TET3: variants seen among roughly 807,000 people sequenced by gnomAD.
The protein encoded by TET3 is tet methylcytosine dioxygenase 3.
TET3 carries 19 observed loss-of-function variants against 141.4 expected under a neutral mutation model. That is an observed-to-expected ratio of 0.13 (90% CI 0.09 to 0.20). The LOEUF is 0.20. Ranked by LOEUF, TET3 falls within the 10% of genes least tolerant of loss-of-function variation. The probability of loss-of-function intolerance (pLI) is 1.00; values close to 1 mark genes in which losing one functional copy is unlikely to be tolerated. For synonymous variants in TET3, 1,043 were observed against 980.9 expected (o/e 1.06, Z -1.18); for missense variants, 1,874 against 2,356.9 (o/e 0.80, Z 4.24).
At chr2:74,064,241 G>A (rs1688757346) in intron 4 of TET3, among the ~76,000 whole-genome samples, 1 of 152,024 alleles carries the variant, frequency 6.6e-6, no homozygotes. Flanking sequence ...TTTGGTCATA[G>A]CTTTTCATAT....
intron 5 of TET3, among the ~76,000 whole-genome samples, chr2:74,079,662 T>C (rs1689697506): frequency 6.6e-6 from 1 of 152,206 alleles, no homozygotes; most frequent in South Asian, 2.1e-4. Context: ...ATCTCCATTT[T>C]ACAGATGAGA....
chr2:74,122,728 GT>G, the TET3 span, among the ~76,000 whole-genome samples: 4 of 71,076 alleles, frequency 5.6e-5, no homozygotes, highest in African/African-American at 1.1e-4. Flanking sequence ...CCCAGCTAAT[GT>G]TTTTATTTTT....
intron 5 of TET3, among the ~76,000 whole-genome samples, chr2:74,077,288 C>T (rs1212908552): frequency 6.6e-6 from 1 of 152,194 alleles, no homozygotes; most frequent in Non-Finnish European, 1.5e-5. Flanking sequence ...CTGGGCCCCA[C>T]CTGAGTTTCT....
At chr2:74,081,050 A>G (rs1181805932) in intron 6 of TET3, among the ~76,000 whole-genome samples, 1 of 152,064 alleles carries the variant, frequency 6.6e-6, no homozygotes, top group African/African-American at 2.4e-5. Flanking sequence ...CCAGAGACAA[A>G]CCTGAAGGCT....
At chr2:74,130,008 T>C in the TET3 span, among the ~76,000 whole-genome samples, 5 of 149,790 alleles carry the variant, frequency 3.3e-5, no homozygotes, top group South Asian at 1.1e-3. Flanking sequence ...GGCAGGAGAA[T>C]GGCTTGTACC....
At chr2:74,060,423 G>T (rs1364023656) in intron 4 of TET3, among the ~76,000 whole-genome samples, 3 of 152,150 alleles carry the variant, frequency 2.0e-5, no homozygotes, top group Non-Finnish European at 2.9e-5. Flanking sequence ...GTGTATTGCA[G>T]TTCTCAGAGT....
At chr2:73,984,778 G>A (rs1046363664), upstream of TET3, among the ~76,000 whole-genome samples, 2 of 148,728 alleles carry the variant, frequency 1.3e-5, no homozygotes, top group African/African-American at 4.9e-5. This position sits in a 1 kb window ranked among gnomAD's most constrained non-coding sequence, Gnocchi z 5.6. Flanking sequence ...CCTCCCCTCC[G>A]CGGGAACCAC....
intron 4 of TET3, among the ~76,000 whole-genome samples, chr2:74,050,830 T>A (rs990019039): frequency 7.9e-5 from 12 of 151,550 alleles, no homozygotes; most frequent in Non-Finnish European, 1.5e-5. Context: ...GGGATTATAG[T>A]CGTGAACCAC....
Position 74,046,481 on chromosome 2 carries a change from A to G in TET3, c.564A>G (p.Pro188=), listed in dbSNP as rs745345308. The change falls in exon 4 of 12, where the codon CCA becomes CCG. Residue 188 remains proline, a synonymous_variant. Coordinates refer to ENST00000409262, the MANE Select transcript of TET3 (RefSeq NM_001287491.2). The surrounding 1 kb of genome is among the most constrained non-coding windows in gnomAD (Gnocchi z 4.3). The part of the protein sequence containing the change: ...QKPDWEAAPG[P]AHTARLEDAH... ...CCGACTGGGAGGCTGCCCCAGGCCC[A>G]GCTCATACTGCTCGCCTGGAAGATG... 1 of 1,613,708 alleles carries G rather than the reference A, an allele frequency of 6.2e-7. No individual in the cohort carries two copies. Among genetic ancestry groups the G allele is most frequent in the Non-Finnish European group, 8.5e-7 (1 of 1,179,702 alleles).
upstream of TET3, among the ~76,000 whole-genome samples, chr2:73,984,527 T>G (rs1683895114): frequency 6.7e-6 from 1 of 149,652 alleles, no homozygotes. This position sits in a 1 kb window ranked among gnomAD's most constrained non-coding sequence, Gnocchi z 5.6. Flanking sequence ...CCGCAGGGAG[T>G]GGCAGGAAGT....
chr2:74,048,258 G>A lies in TET3; in HGVS notation c.2341G>A (p.Glu781Lys). Residue 781 changes from glutamate to lysine, a missense_variant, in exon 4 of 12, where the codon GAG becomes AAG. Coordinates refer to ENST00000409262, the MANE Select transcript of TET3 (RefSeq NM_001287491.2). The stretch of plus-strand genomic sequence containing the variant: ...CTTCCATTCAGAGGAGGGAGGACAG[G>A]AGGCCACACCCACCAAGGCTGAGAA... Reference protein sequence around the residue: ...TCFHSEEGGQEATPTKAENPL... With the variant: ...TCFHSEEGGQKATPTKAENPL... The A allele has an allele frequency of 6.2e-7, 1 of 1,613,838 alleles. No individual in the cohort carries two copies. The highest frequency in any genetic ancestry group is 2.2e-5 in the East Asian group (1 of 44,872).
the TET3 span, among the ~76,000 whole-genome samples, chr2:74,133,403 G>C: frequency 2.0e-5 from 3 of 152,242 alleles, no homozygotes; most frequent in East Asian, 5.8e-4. Flanking sequence ...TCAGCTGAGT[G>C]GCTGTGGCTC....
chr2:74,050,054 T>C (rs1441726502), intron 4 of TET3, among the ~76,000 whole-genome samples: 1 of 152,206 alleles, frequency 6.6e-6, no homozygotes, highest in Non-Finnish European at 1.5e-5. Context: ...CGCCTGTGTT[T>C]AGCACCTCGT....
the TET3 span, chr2:74,134,877 G>A: frequency 2.4e-6 from 1 of 420,046 alleles, no homozygotes; most frequent in Non-Finnish European, 4.9e-6. Flanking sequence ...GGCTGCAGCA[G>A]GAATGGATGT....
chr2:74,043,176 A>G (rs888429811), intron 3 of TET3, among the ~76,000 whole-genome samples: 2 of 152,234 alleles, frequency 1.3e-5, no homozygotes, highest in Non-Finnish European at 2.9e-5. Flanking sequence ...CTACATAAGC[A>G]TGTAAGATTT....
chr2:74,119,308 G>A, the TET3 span, among the ~76,000 whole-genome samples: 4 of 148,118 alleles, frequency 2.7e-5, no homozygotes, highest in Non-Finnish European at 4.4e-5. Flanking sequence ...AGCCGAGATC[G>A]CACCACTGCA....
chr2:74,122,290 C>G, the TET3 span: 1 of 151,632 alleles, frequency 6.6e-6, no homozygotes, highest in South Asian at 2.1e-4. Flanking sequence ...CTCACACAAT[C>G]AAGTGAACAG....
chr2:74,035,036 CA>C lies in TET3; in HGVS notation c.361-11226del, dbSNP rs70965777. Among the ~76,000 whole-genome samples, 1,061 of 114,270 alleles carry C rather than the reference CA, an allele frequency of 9.3e-3. 11 individuals are homozygous for C. The highest frequency in any genetic ancestry group is 0.024 in the African/African-American group (747 of 31,518). The allele number at this position is 114,270 out of a possible 152,430, so 75.0% of individuals were successfully genotyped here. A position where few individuals can be genotyped will look rare whatever the true frequency, so the allele number is the denominator to read the frequency against. On this transcript the variant is annotated intron_variant, in intron 3 of 11. Coordinates refer to ENST00000409262, the MANE Select transcript of TET3 (RefSeq NM_001287491.2). ...GAAACCCTGTCTCTACTAAAAAATA[CA>C]AAAAAAAAAAAAAAATCAGCCAGGT...
At chr2:74,028,220 G>A (rs1468244277) in intron 3 of TET3, among the ~76,000 whole-genome samples, 1 of 151,608 alleles carries the variant, frequency 6.6e-6, no homozygotes, top group Non-Finnish European at 1.5e-5. Context: ...CAGACTCCTG[G>A]CATCAAGCAA....
Sources: gnomAD v4.1 joint callset for allele counts (sites outside exome capture counted in the v4.1 genomes callset) on GRCh38, gnomAD v4.1.1 for gene constraint, Gnocchi (gnomAD v3.1) non-coding constraint, MANE v1.5 for transcripts, NCBI Gene and HGNC (gene_info 2026-07-23, HGNC 2026-07-21) for gene names.